OSBPL8: variants seen among roughly 807,000 people sequenced by gnomAD.
OSBPL8 encodes oxysterol binding protein like 8, also known as oxysterol-binding protein-related protein 8.
A neutral mutation model predicts 125.5 loss-of-function variants in OSBPL8; 59 were observed. The observed-to-expected ratio is 0.47, with a 90% CI of 0.38 to 0.58. The LOEUF is 0.58. OSBPL8 is among the 20% of genes least tolerant of loss of function. The pLI, the probability that OSBPL8 is intolerant of heterozygous loss-of-function variation, is 0.00. For synonymous variants in OSBPL8, 330 were observed against 338.9 expected, an observed-to-expected ratio of 0.97 and a Z score of 0.29; for missense variants, 758 against 1,047.8, an observed-to-expected ratio of 0.72 and a Z score of 3.82.
chr12:76,534,151 G>A (rs1183599192), intron 1 of OSBPL8: 1 of 152,080 alleles, frequency 6.6e-6, no homozygotes, highest in East Asian at 1.9e-4. Context: ...AAAATTAAAT[G>A]CAATTTTTAT....
At chr12:76,404,918 C>A (rs534318347) in intron 5 of OSBPL8, among the ~76,000 whole-genome samples, 8 of 152,034 alleles carry the variant, frequency 5.3e-5, no homozygotes, top group Non-Finnish European at 8.8e-5. Context: ...ACTGTATATA[C>A]GAAATATTTA....
intron 2 of OSBPL8, among the ~76,000 whole-genome samples, chr12:76,480,893 A>G (rs1877399098): frequency 6.6e-6 from 1 of 152,176 alleles, no homozygotes; most frequent in South Asian, 2.1e-4. Context: ...TGCAGATGTG[A>G]TTAGGTTAAG....
At chr12:76,444,105 G>C (rs561708890) in intron 4 of OSBPL8, among the ~76,000 whole-genome samples, 1 of 152,022 alleles carries the variant, frequency 6.6e-6, no homozygotes, top group Non-Finnish European at 1.5e-5. Context: ...AACAAAACCA[G>C]AGTGCAAAAA....
At chr12:76,390,008 C>T (rs556429189) in intron 11 of OSBPL8, 179 bp from the exon 12 acceptor site, 3 of 447,084 alleles carry the variant, frequency 6.7e-6, no homozygotes, top group African/African-American at 6.1e-5. Context: ...AAAAGGGTAG[C>T]TGAAAAAGAC....
chr12:76,412,874 C>T lies in OSBPL8; in HGVS notation c.218-2240G>A, dbSNP rs908506873. On this transcript the variant is annotated intron_variant, in intron 4 of 23. Transcript: ENST00000261183. ...TGGAGCCTCTCAAGACGCAAGGCCA[C>T]CCCTTCAGGGAGGCCTTGTTTTGAC... 2.0e-5 allele frequency among the ~76,000 whole-genome samples: 3 copies of T among 152,124 alleles called. No individual in the cohort carries two copies. The East Asian group carries it at 5.8e-4, about 29-fold the overall frequency.
chr12:76,493,513 AT>A (rs547376226), intron 1 of OSBPL8, among the ~76,000 whole-genome samples: 3 of 152,084 alleles, frequency 2.0e-5, no homozygotes, highest in Non-Finnish European at 4.4e-5. Context: ...TTGGTTTACA[AT>A]TTTTTTCTTT....
At position 76,386,642 on chromosome 12, in the gene OSBPL8, A is replaced by G. The variant is rs371428382; in HGVS notation, c.1371T>C (p.Asn457=). 4.4e-6 allele frequency: 7 copies of G among 1,605,562 alleles called. No individual in the cohort carries two copies. The highest frequency in any genetic ancestry group is 3.3e-4 in the Middle Eastern group (2 of 6,054). ...CTACTTTCTTCAAACGGAAATAAGGATTTTCTTCAAGAGCTGCCCTAAAAC... is the reference window on the plus strand; with the variant it reads ...CTACTTTCTTCAAACGGAAATAAGGGTTTTCTTCAAGAGCTGCCCTAAAAC... The part of the protein sequence containing the change: ...DFLSEAALEE[N]PYFRLKKVVK... The change falls in exon 13 of 24, where the codon AAT becomes AAC. Residue 457 remains asparagine, a synonymous_variant. Coordinates refer to ENST00000261183, the MANE Select transcript of OSBPL8 (RefSeq NM_020841.5).
chr12:76,522,182 A>G (rs537524864), intron 1 of OSBPL8, among the ~76,000 whole-genome samples: 8 of 152,280 alleles, frequency 5.3e-5, no homozygotes, highest in Admixed American at 3.9e-4. Flanking sequence ...GAATAAATGA[A>G]CCTGTCTTTC....
chr12:76,386,382 A>C (rs1173076442), intron 13 of OSBPL8, 116 bp from the exon 14 acceptor site: 2 of 1,375,774 alleles, frequency 1.5e-6, no homozygotes, highest in Non-Finnish European at 1.9e-6. Flanking sequence ...ATAAAATTTC[A>C]AAGTAAATAA....
chr12:76,414,619 T>G (rs1565878043), intron 4 of OSBPL8, among the ~76,000 whole-genome samples: 2 of 151,180 alleles, frequency 1.3e-5, no homozygotes, highest in Non-Finnish European at 2.9e-5. Context: ...GCCTGACTTT[T>G]TTGTTGTTGT....
At chr12:76,357,596 T>C (rs1016271050) in intron 22 of OSBPL8, among the ~76,000 whole-genome samples, 1 of 152,188 alleles carries the variant, frequency 6.6e-6, no homozygotes, top group African/African-American at 2.4e-5. Flanking sequence ...ATTCGGTTCA[T>C]TCCTCTAACT....
At chr12:76,403,369 A>C (rs936077455) in intron 5 of OSBPL8, among the ~76,000 whole-genome samples, 8 of 152,308 alleles carry the variant, frequency 5.3e-5, no homozygotes, top group African/African-American at 1.9e-4. Flanking sequence ...TTTACACTTC[A>C]CATTTTTATT....
At chr12:76,371,401 A>C (rs1372291860) in intron 19 of OSBPL8, 47 bp downstream of exon 19, 16 of 1,502,562 alleles carry the variant, frequency 1.1e-5, no homozygotes, top group Non-Finnish European at 1.4e-5. Context: ...GAATTGAAAA[A>C]CTACTCTCTG....
rs74400050 is a variant in OSBPL8, at chr12:76,434,461, T to C, written c.217+16390A>G. Among the ~76,000 whole-genome samples the C allele has an allele frequency of 6.8e-3, 1,034 of 152,156 alleles. 11 individuals are homozygous for C. Among genetic ancestry groups the C allele is most frequent in the African/African-American group, 0.021 (870 of 41,514 alleles). ...GGTCAGGGCAATGACTTTTGGGATATGACACCAAAAGCCAAGGCAACAAAA... is the reference window on the plus strand; with the variant it reads ...GGTCAGGGCAATGACTTTTGGGATACGACACCAAAAGCCAAGGCAACAAAA... On this transcript the variant is annotated intron_variant, in intron 4 of 23. Coordinates refer to ENST00000261183, the MANE Select transcript of OSBPL8 (RefSeq NM_020841.5).
intron 1 of OSBPL8, among the ~76,000 whole-genome samples, chr12:76,502,610 T>C (rs914717867): frequency 5.9e-5 from 9 of 152,208 alleles, no homozygotes; most frequent in Non-Finnish European, 1.3e-4. Context: ...TATGATGGGA[T>C]ATCTTTTAGT....
chr12:76,473,688 C>T (rs1000174582), intron 2 of OSBPL8, among the ~76,000 whole-genome samples: 5 of 152,188 alleles, frequency 3.3e-5, no homozygotes, highest in Non-Finnish European at 7.3e-5. Context: ...AGGTTGGTTC[C>T]CTGCTCCAAA....
At chr12:76,551,822 C>T (rs1176467663) in intron 1 of OSBPL8, among the ~76,000 whole-genome samples, 2 of 152,194 alleles carry the variant, frequency 1.3e-5, no homozygotes, top group African/African-American at 4.8e-5. Flanking sequence ...CAGTCCCTGG[C>T]TTATACTTAA....
chr12:76,480,667 T>C (rs1877374304), intron 2 of OSBPL8, among the ~76,000 whole-genome samples: 1 of 152,220 alleles, frequency 6.6e-6, no homozygotes, highest in Admixed American at 6.5e-5. Context: ...AGAATTTTCA[T>C]TATTTAGGAC....
At chr12:76,499,249 C>A (rs551868802) in intron 1 of OSBPL8, among the ~76,000 whole-genome samples, 4 of 152,202 alleles carry the variant, frequency 2.6e-5, no homozygotes, top group African/African-American at 7.2e-5. Flanking sequence ...TGCTCCTCAG[C>A]CTGCAGACAG....
Sources: allele counts gnomAD v4.1 joint callset (sites outside exome capture counted in the v4.1 genomes callset), GRCh38; gene constraint gnomAD v4.1.1; transcripts MANE v1.5; gene names NCBI Gene and HGNC (gene_info 2026-07-23, HGNC 2026-07-21).